The following SVIL variants were observed in gnomAD, a reference collection of about 807,000 sequenced individuals.
SVIL encodes the protein supervillin, also known as archvillin.
In SVIL, 101 loss-of-function variants were observed where a neutral mutation model predicts 240.4. The observed-to-expected ratio is 0.42, with a 90% CI of 0.36 to 0.50. The LOEUF (loss-of-function observed/expected upper bound fraction) is 0.50, where lower values mean the gene tolerates loss of function less well. Ranked by LOEUF, SVIL falls within the 20% of genes least tolerant of loss-of-function variation. The pLI is 0.01. For missense variants in SVIL, 2,512 were observed against 2,818.7 expected (o/e 0.89, Z 2.46); for synonymous variants, 999 against 1,100.0 (o/e 0.91, Z 1.82).
chr10:29,639,580 T>C (rs1484207565), upstream of SVIL, among the ~76,000 whole-genome samples: 1 of 150,256 alleles, frequency 6.7e-6, no homozygotes, highest in Admixed American at 6.6e-5. Flanking sequence ...GCGATTCTCC[T>C]ACCTCAGCCT....
At chr10:29,507,328 C>T (rs867365907) in intron 17 of SVIL, among the ~76,000 whole-genome samples, 27 of 152,098 alleles carry the variant, frequency 1.8e-4, no homozygotes, top group Admixed American at 1.3e-4. Context: ...GACTCAGGAT[C>T]GAAGCTCAGA....
At chr10:29,523,351 C>T (rs2132532498) in intron 15 of SVIL, 100 bp downstream of exon 15, 1 of 1,095,470 alleles carries the variant, frequency 9.1e-7, no homozygotes, top group Non-Finnish European at 1.3e-6. Context: ...CTGTAAACTG[C>T]CTATAGAACT....
At chr10:29,512,665 G>T in intron 17 of SVIL, 70 bp downstream of exon 17, 2 of 1,611,252 alleles carry the variant, frequency 1.2e-6, no homozygotes, top group Non-Finnish European at 8.5e-7. Context: ...GGTGGCACAC[G>T]CTTGTCTTTT....
intron 2 of SVIL, among the ~76,000 whole-genome samples, chr10:29,679,049 T>C (rs1412226892): frequency 6.6e-6 from 1 of 152,044 alleles, no homozygotes; most frequent in African/African-American, 2.4e-5. Flanking sequence ...CTACTAAAAA[T>C]GCAAAATTAG....
intron 1 of SVIL, among the ~76,000 whole-genome samples, chr10:29,614,227 C>T (rs1957353479): frequency 6.6e-6 from 1 of 152,012 alleles, no homozygotes; most frequent in South Asian, 2.1e-4. Flanking sequence ...AAAAGAATTA[C>T]AATAACATTT....
intron 17 of SVIL, among the ~76,000 whole-genome samples, chr10:29,500,091 G>A (rs1948756011): frequency 6.6e-6 from 1 of 152,160 alleles, no homozygotes; most frequent in Non-Finnish European, 1.5e-5. Context: ...AAGGAGGAGG[G>A]GCTCAGGACA....
chr10:29,498,324 G>A (rs563515465), intron 18 of SVIL, among the ~76,000 whole-genome samples: 6 of 151,550 alleles, frequency 4.0e-5, no homozygotes, highest in Non-Finnish European at 5.9e-5. Flanking sequence ...GGGCTGAGGC[G>A]AGAGAATTGC....
In SVIL at chr10:29,671,600, C is replaced by G. The variant is rs765499334; in HGVS notation, c.-300-13532G>C. Reference sequence around the variant, plus strand: ...TTCCGATCACATATCCCCTTCCTTGCTACACTAACCAGCTGTTTCTGCGTC... The same window carrying G: ...TTCCGATCACATATCCCCTTCCTTGGTACACTAACCAGCTGTTTCTGCGTC... On this transcript the variant is annotated intron_variant, in intron 2 of 35. Transcript: ENST00000375400. 3.3e-5 allele frequency among the ~76,000 whole-genome samples: 5 copies of G among 152,230 alleles called. No homozygotes were observed. In the East Asian group the frequency reaches 7.7e-4, roughly 23 times the overall value.
intron 10 of SVIL, 56 bp downstream of exon 10, chr10:29,531,198 T>C: frequency 3.2e-6 from 5 of 1,566,016 alleles, no homozygotes; most frequent in Non-Finnish European, 4.4e-6. Context: ...ACCTTATTAT[T>C]AAATCCAGTC....
At chr10:29,553,457 T>G (rs1009481503) in intron 5 of SVIL, among the ~76,000 whole-genome samples, 54 of 152,250 alleles carry the variant, frequency 3.5e-4, no homozygotes, top group African/African-American at 1.2e-3. Flanking sequence ...GGCGGGCACC[T>G]GTAATCCCAG....
Position 29,544,526 on chromosome 10 carries a change from G to A in SVIL, c.827+6071C>T, listed in dbSNP as rs991262985. ...TCCCAGCACTTTGGGAGGCCAAGAC[G>A]GGTGGATCGCTTAACACCAGGAGTT... On this transcript the variant is annotated intron_variant, in intron 6 of 37. Transcript: ENST00000355867. Among the ~76,000 whole-genome samples the A allele has an allele frequency of 1.1e-4, 17 of 152,170 alleles. No individual in the cohort carries two copies. The South Asian group carries it at 2.1e-3, about 19-fold the overall frequency.
chr10:29,659,828 C>CTT (rs140501527), intron 2 of SVIL, among the ~76,000 whole-genome samples: 6,283 of 152,216 alleles, frequency 0.041, 209 homozygotes, highest in Admixed American at 0.096. Flanking sequence ...ATCATTTTCC[C>CTT]TTTCCTCCAC....
chr10:29,611,123 G>A (rs1404248377), intron 1 of SVIL, among the ~76,000 whole-genome samples: 4 of 151,894 alleles, frequency 2.6e-5, no homozygotes, highest in African/African-American at 4.8e-5. Flanking sequence ...GAGGAATGTC[G>A]CCCCCTCCTT....
chr10:29,489,894 C>A (rs1311753818), intron 22 of SVIL, among the ~76,000 whole-genome samples: 4 of 152,112 alleles, frequency 2.6e-5, no homozygotes, highest in African/African-American at 9.7e-5. Context: ...AAGACTCAAC[C>A]ACTTCATCTA....
chr10:29,528,442 A>T (rs1274183062), intron 12 of SVIL, among the ~76,000 whole-genome samples: 1 of 152,050 alleles, frequency 6.6e-6, no homozygotes, highest in Non-Finnish European at 1.5e-5. Context: ...AACAACATCA[A>T]CAACAACAAA....
chr10:29,533,487 C>T (rs762038033), intron 7 of SVIL, 29 bp from the exon 8 acceptor site: 1 of 1,595,044 alleles, frequency 6.3e-7, no homozygotes, highest in South Asian at 1.1e-5. Flanking sequence ...ATTTAAGTTG[C>T]AAAGTGCAGT....
At chr10:29,602,377 T>C (rs774481080) in intron 1 of SVIL, 10 of 498,308 alleles carry the variant, frequency 2.0e-5, no homozygotes, top group Non-Finnish European at 1.7e-5. Context: ...ACCTGCCTTG[T>C]CTCACCCTCC....
intron 1 of SVIL, among the ~76,000 whole-genome samples, chr10:29,702,498 G>A (rs1962596450): frequency 6.6e-6 from 1 of 152,154 alleles, no homozygotes; most frequent in South Asian, 2.1e-4. Context: ...CTACTCCCTG[G>A]ATACTGAGCA....
intron 2 of SVIL, among the ~76,000 whole-genome samples, chr10:29,673,114 A>G (rs1235285737): frequency 6.6e-6 from 1 of 152,114 alleles, no homozygotes; most frequent in Admixed American, 6.5e-5. Flanking sequence ...GGGTTTCACC[A>G]TGTTGGCCAG....
Sources: allele counts gnomAD v4.1 joint callset (sites outside exome capture counted in the v4.1 genomes callset), GRCh38; gene constraint gnomAD v4.1.1; transcripts MANE v1.5; gene names NCBI Gene and HGNC (gene_info 2026-07-23, HGNC 2026-07-21).